The following CHSY3 variants were observed in gnomAD, a reference collection of about 807,000 sequenced individuals.
CHSY3 encodes chondroitin sulfate synthase 3, also known as N-acetylgalactosaminyl-proteoglycan 3-beta-glucuronosyltransferase 3.
A neutral mutation model predicts 67.2 loss-of-function variants in CHSY3; 35 were observed. The observed-to-expected ratio is 0.52, with a 90% CI of 0.40 to 0.69. The LOEUF is 0.69. CHSY3 is among the 30% of genes least tolerant of loss of function. The pLI, the probability that CHSY3 is intolerant of heterozygous loss-of-function variation, is 0.00. For synonymous variants in CHSY3, 474 were observed against 434.7 expected, an observed-to-expected ratio of 1.09 and a Z score of -1.12; for missense variants, 1,069 against 1,138.5, an observed-to-expected ratio of 0.94 and a Z score of 0.88.
At chr5:130,009,725 G>A (rs2149645795) in intron 2 of CHSY3, among the ~76,000 whole-genome samples, 1 of 152,206 alleles carries the variant, frequency 6.6e-6, no homozygotes, top group South Asian at 2.1e-4. Flanking sequence ...AGACCCAAAT[G>A]TATGCTGTCC....
chr5:130,064,679 C>T (rs918905924), intron 2 of CHSY3, among the ~76,000 whole-genome samples: 2 of 152,078 alleles, frequency 1.3e-5, no homozygotes, highest in African/African-American at 4.8e-5. Flanking sequence ...TTATCTGGAG[C>T]CAAATCTCAG....
chr5:130,151,560 T>C (rs1769232435), intron 2 of CHSY3, among the ~76,000 whole-genome samples: 1 of 152,178 alleles, frequency 6.6e-6, no homozygotes, highest in Admixed American at 6.5e-5. Flanking sequence ...GACTGAGTAA[T>C]TTATAAAGAA....
At chr5:130,043,270 T>G (rs1765055279) in intron 2 of CHSY3, among the ~76,000 whole-genome samples, 1 of 151,826 alleles carries the variant, frequency 6.6e-6, no homozygotes, top group Non-Finnish European at 1.5e-5. Context: ...ATCTTTTCAT[T>G]TAAAATTAAT....
chr5:130,113,150 G>A (rs973089043), intron 2 of CHSY3, among the ~76,000 whole-genome samples: 1 of 152,060 alleles, frequency 6.6e-6, no homozygotes, highest in African/African-American at 2.4e-5. Context: ...ATGTATCTGA[G>A]ACAAATAATT....
chr5:130,002,278 G>T (rs1763749586), intron 2 of CHSY3: 1 of 153,284 alleles, frequency 6.5e-6, no homozygotes, highest in African/African-American at 2.4e-5. Flanking sequence ...GGCTGCCTCG[G>T]ATCCTCCCAT....
At chr5:129,969,584 A>C (rs1213275755) in intron 2 of CHSY3, among the ~76,000 whole-genome samples, 1 of 151,848 alleles carries the variant, frequency 6.6e-6, no homozygotes, top group African/African-American at 2.4e-5. Flanking sequence ...CTTTTCATGA[A>C]GAATTTAATT....
chr5:129,920,696 G>GT (rs1216952143), intron 2 of CHSY3, among the ~76,000 whole-genome samples: 1 of 152,210 alleles, frequency 6.6e-6, no homozygotes, highest in African/African-American at 2.4e-5. Flanking sequence ...CACTGTGGTT[G>GT]TAACTTTTAC....
At chr5:130,183,588 G>A in intron 2 of CHSY3, among the ~76,000 whole-genome samples, 1 of 151,984 alleles carries the variant, frequency 6.6e-6, no homozygotes, top group East Asian at 1.9e-4. Context: ...TCTGTTATGG[G>A]GTTATGGACA....
intron 2 of CHSY3, among the ~76,000 whole-genome samples, chr5:129,925,511 T>G (rs1168758546): frequency 6.6e-6 from 1 of 152,330 alleles, no homozygotes; most frequent in East Asian, 1.9e-4. Flanking sequence ...GTATACATTA[T>G]GGAATGGCTG....
intron 2 of CHSY3, among the ~76,000 whole-genome samples, chr5:130,154,473 G>C (rs1352371771): frequency 2.0e-5 from 3 of 152,142 alleles, no homozygotes; most frequent in Non-Finnish European, 4.4e-5. Context: ...ACCATCCCAT[G>C]ATCTTATTTT....
At chr5:129,983,548 G>A (rs565586107) in intron 2 of CHSY3, among the ~76,000 whole-genome samples, 3 of 151,942 alleles carry the variant, frequency 2.0e-5, no homozygotes, top group Non-Finnish European at 4.4e-5. Flanking sequence ...TGAAGAAAGA[G>A]AGCTCTTCCT....
intron 2 of CHSY3, among the ~76,000 whole-genome samples, chr5:129,964,160 G>A (rs1008733679): frequency 6.6e-6 from 1 of 151,922 alleles, no homozygotes; most frequent in African/African-American, 2.4e-5. Flanking sequence ...TATGTGGCTG[G>A]AAGTTGTTTT....
At chr5:130,007,432 C>T (rs1763906323) in intron 2 of CHSY3, among the ~76,000 whole-genome samples, 1 of 151,976 alleles carries the variant, frequency 6.6e-6, no homozygotes, top group South Asian at 2.1e-4. Flanking sequence ...AGGAAGGACT[C>T]AGATCCTGGG....
intron 2 of CHSY3, chr5:130,001,494 C>T: frequency 9.4e-6 from 9 of 958,942 alleles, no homozygotes; most frequent in Non-Finnish European, 1.1e-5. Context: ...GAGACTGGTA[C>T]CAAGATCTAG....
At chr5:129,999,859 G>C (rs1414944813) in intron 2 of CHSY3, among the ~76,000 whole-genome samples, 1 of 151,922 alleles carries the variant, frequency 6.6e-6, no homozygotes, top group Admixed American at 6.6e-5. Context: ...ATGTTATAAA[G>C]TGGATACCTT....
intron 2 of CHSY3, among the ~76,000 whole-genome samples, chr5:129,928,687 A>G (rs1761197088): frequency 6.6e-6 from 1 of 152,136 alleles, no homozygotes; most frequent in Non-Finnish European, 1.5e-5. Context: ...GTATTTTATT[A>G]TGCTGCTGAT....
intron 2 of CHSY3, among the ~76,000 whole-genome samples, chr5:129,909,604 G>A (rs1760460629): frequency 6.6e-6 from 1 of 151,864 alleles, no homozygotes; most frequent in African/African-American, 2.4e-5. Context: ...TAATAAAATG[G>A]TAATTTGTAA....
intron 2 of CHSY3, among the ~76,000 whole-genome samples, chr5:129,999,124 C>CTTT (rs376975711): frequency 0.32 from 45,045 of 141,470 alleles, 8,440 homozygotes; most frequent in Non-Finnish European, 0.44. Flanking sequence ...TCCCCCCTCC[C>CTTT]TTTTTTTTTT....
intron 2 of CHSY3, among the ~76,000 whole-genome samples, chr5:130,156,201 C>T (rs1769371606): frequency 6.6e-6 from 1 of 152,132 alleles, no homozygotes; most frequent in Non-Finnish European, 1.5e-5. Context: ...GTTCAAGTTA[C>T]TGCTTATTTC....
Sources: gnomAD v4.1 joint callset for allele counts (sites outside exome capture counted in the v4.1 genomes callset) on GRCh38, gnomAD v4.1.1 for gene constraint, MANE v1.5 for transcripts, NCBI Gene and HGNC (gene_info 2026-07-23, HGNC 2026-07-21) for gene names.